CPNE4: variants seen among roughly 807,000 people sequenced by gnomAD.
CPNE4 encodes copine-4.
Under a neutral mutation model 67.9 loss-of-function variants are expected in CPNE4, and 25 were observed. The ratio of observed to expected loss-of-function variants is 0.37; its 90% CI spans 0.27 to 0.51. The LOEUF (loss-of-function observed/expected upper bound fraction) is 0.51, where lower values mean the gene tolerates loss of function less well. Ranked by LOEUF, CPNE4 falls within the 20% of genes least tolerant of loss-of-function variation. CPNE4 has a pLI of 0.93. For synonymous variants in CPNE4, 242 were observed against 244.9 expected, an observed-to-expected ratio of 0.99 and a Z score of 0.11; for missense variants, 464 against 690.8, an observed-to-expected ratio of 0.67 and a Z score of 3.68.
At chr3:131,700,637 A>C (rs1583043628) in intron 3 of CPNE4, among the ~76,000 whole-genome samples, 1 of 152,212 alleles carries the variant, frequency 6.6e-6, no homozygotes, top group East Asian at 1.9e-4. Flanking sequence ...GAAGTTTGAC[A>C]AGGCATTGAA....
At chr3:131,667,329 T>C (rs1256479934) in intron 7 of CPNE4, among the ~76,000 whole-genome samples, 2 of 152,214 alleles carry the variant, frequency 1.3e-5, no homozygotes, top group East Asian at 3.8e-4. Flanking sequence ...GACTCTAATG[T>C]ATAATAAGTT....
chr3:131,833,036 A>G (rs1044885477), intron 2 of CPNE4, among the ~76,000 whole-genome samples: 1 of 152,174 alleles, frequency 6.6e-6, no homozygotes, highest in Admixed American at 6.5e-5. Flanking sequence ...ATCAGTGCCT[A>G]TAAAAGAGAC....
At chr3:131,889,171 G>A (rs1231729566) in intron 2 of CPNE4, among the ~76,000 whole-genome samples, 1 of 152,142 alleles carries the variant, frequency 6.6e-6, no homozygotes, top group Non-Finnish European at 1.5e-5. Context: ...CATGGAATAA[G>A]TTCTATTGTT....
intron 1 of CPNE4, among the ~76,000 whole-genome samples, chr3:131,938,656 A>G (rs540313207): frequency 2.0e-5 from 3 of 152,184 alleles, no homozygotes; most frequent in African/African-American, 7.2e-5. Context: ...AAACTGCCAA[A>G]CACTTTTAAA....
intron 7 of CPNE4, among the ~76,000 whole-genome samples, chr3:131,619,965 A>G (rs1307790838): frequency 6.6e-6 from 1 of 152,186 alleles, no homozygotes; most frequent in Non-Finnish European, 1.5e-5. Context: ...TGAAGCCTTC[A>G]GTCTCTGATT....
chr3:131,747,421 G>A (rs1233966537), intron 2 of CPNE4, among the ~76,000 whole-genome samples: 1 of 151,800 alleles, frequency 6.6e-6, no homozygotes, highest in Non-Finnish European at 1.5e-5. Context: ...TTACATTTAA[G>A]TCTTTAGTCC....
At chr3:131,875,870 G>A (rs1222775755) in intron 2 of CPNE4, among the ~76,000 whole-genome samples, 2 of 152,216 alleles carry the variant, frequency 1.3e-5, no homozygotes, top group African/African-American at 4.8e-5. Flanking sequence ...GTTGTACAAA[G>A]ACAATCTGTT....
In CPNE4 at chr3:131,587,601, A is replaced by T. The variant is rs760200440; in HGVS notation, c.682-19T>A. The T allele has an allele frequency of 1.3e-5, 21 of 1,562,818 alleles. No individual in the cohort carries two copies. The highest frequency in any genetic ancestry group is 1.7e-5 in the Non-Finnish European group (19 of 1,135,642). ...CTATGCACTGTAAGAGAAAACAATG[A>T]TCTTTCTTAAAAAATTAAGAATGTA... On this transcript the variant is annotated intron_variant, in intron 7 of 15. Coordinates refer to ENST00000429747, the MANE Select transcript of CPNE4 (RefSeq NM_130808.3).
chr3:131,943,579 C>T (rs982814794), intron 1 of CPNE4, among the ~76,000 whole-genome samples: 2 of 152,094 alleles, frequency 1.3e-5, no homozygotes, highest in Non-Finnish European at 2.9e-5. Context: ...ACCCTTCTCT[C>T]CAGTGCCACA....
intron 2 of CPNE4, among the ~76,000 whole-genome samples, chr3:131,821,229 A>G (rs942572002): frequency 2.6e-5 from 4 of 152,218 alleles, no homozygotes; most frequent in African/African-American, 7.2e-5. Context: ...GAAGGCCTAG[A>G]TAAGTTAGAA....
intron 2 of CPNE4, among the ~76,000 whole-genome samples, chr3:131,796,965 T>A (rs1177859660): frequency 1.3e-5 from 2 of 152,230 alleles, no homozygotes; most frequent in Non-Finnish European, 2.9e-5. Flanking sequence ...CTCTCTTTCT[T>A]TGGAAAGGGC....
chr3:131,938,694 A>G (rs1335642235), intron 1 of CPNE4, among the ~76,000 whole-genome samples: 1 of 152,108 alleles, frequency 6.6e-6, no homozygotes, highest in Non-Finnish European at 1.5e-5. Flanking sequence ...GAACTCCCGC[A>G]CTATTAGGAA....
intron 11 of CPNE4, among the ~76,000 whole-genome samples, chr3:131,557,360 GATGAGCCCCACTAATCCCCAGGC>G (rs1195183060): frequency 6.6e-6 from 1 of 152,084 alleles, no homozygotes; most frequent in Non-Finnish European, 1.5e-5. Flanking sequence ...AGGAAAAAGG[GATGAGCCCCACTAATCCCCAGGC>G]TGACAGAAAA....
At chr3:131,791,260 G>A (rs190487082) in intron 2 of CPNE4, among the ~76,000 whole-genome samples, 85 of 152,210 alleles carry the variant, frequency 5.6e-4, no homozygotes, top group African/African-American at 1.9e-3. Context: ...AAATTGACAT[G>A]AATGGAAGTT....
chr3:132,003,620 G>T (rs2073512284), intron 1 of CPNE4, among the ~76,000 whole-genome samples: 1 of 151,990 alleles, frequency 6.6e-6, no homozygotes, highest in South Asian at 2.1e-4. Context: ...TCTACAATGG[G>T]TGAGGAGTCA....
intron 2 of CPNE4, among the ~76,000 whole-genome samples, chr3:131,785,492 C>G (rs906354754): frequency 2.0e-5 from 3 of 152,116 alleles, no homozygotes; most frequent in African/African-American, 7.2e-5. Flanking sequence ...CCCCCAATCT[C>G]CAGAGCTGCT....
intron 2 of CPNE4, among the ~76,000 whole-genome samples, chr3:131,754,526 C>T (rs892776126): frequency 7.9e-5 from 12 of 152,010 alleles, no homozygotes; most frequent in African/African-American, 2.9e-4. Context: ...TATAGATATA[C>T]TATCTCTCAA....
chr3:131,875,455 G>C (rs1051816505), intron 2 of CPNE4, among the ~76,000 whole-genome samples: 12 of 152,092 alleles, frequency 7.9e-5, no homozygotes, highest in African/African-American at 2.7e-4. Flanking sequence ...TGATAGACTG[G>C]ATTAAGAAAA....
chr3:132,004,612 T>C (rs1410734965), intron 1 of CPNE4, among the ~76,000 whole-genome samples: 1 of 152,008 alleles, frequency 6.6e-6, no homozygotes, highest in Non-Finnish European at 1.5e-5. Flanking sequence ...AGCTAGCCTG[T>C]GAAACAGTAT....
Sources: allele counts gnomAD v4.1 joint callset (sites outside exome capture counted in the v4.1 genomes callset), GRCh38; gene constraint gnomAD v4.1.1; transcripts MANE v1.5; gene names NCBI Gene and HGNC (gene_info 2026-07-23, HGNC 2026-07-21).